The following GALNTL6 variants were observed in gnomAD, a reference collection of about 807,000 sequenced individuals.
GALNTL6 encodes the protein polypeptide N-acetylgalactosaminyltransferase-like 6.
GALNTL6 carries 46 observed loss-of-function variants against 73.7 expected under a neutral mutation model. The ratio of observed to expected loss-of-function variants is 0.62; its 90% CI spans 0.49 to 0.80. GALNTL6 has a LOEUF of 0.80. Among genes scored for constraint, GALNTL6 ranks in the 30% least tolerant of loss-of-function variants. The pLI, the probability that GALNTL6 is intolerant of heterozygous loss-of-function variation, is 0.00. For missense variants in GALNTL6, 604 were observed against 755.0 expected (o/e 0.80, Z 2.34); for synonymous variants, 259 against 263.7 (o/e 0.98, Z 0.17).
chr4:172,208,719 A>C (rs909092990), intron 2 of GALNTL6, among the ~76,000 whole-genome samples: 43 of 152,150 alleles, frequency 2.8e-4, no homozygotes, highest in African/African-American at 1.0e-3. Context: ...ATTGGTTCCA[A>C]ACCAAGAAAG....
chr4:172,371,454 C>T (rs146854487), intron 5 of GALNTL6, among the ~76,000 whole-genome samples: 14,836 of 152,254 alleles, frequency 0.097, 807 homozygotes, highest in East Asian at 0.17. Context: ...CGTCAATTAT[C>T]AATTATAGGT....
At chr4:172,640,299 T>C (rs1480541368) in intron 5 of GALNTL6, among the ~76,000 whole-genome samples, 2 of 152,126 alleles carry the variant, frequency 1.3e-5, no homozygotes, top group East Asian at 3.9e-4. Flanking sequence ...TCTGTGTGTT[T>C]CTTCTGTTTG....
intron 12 of GALNTL6, among the ~76,000 whole-genome samples, chr4:173,028,441 TC>T (rs1321498102): frequency 6.6e-6 from 1 of 152,146 alleles, no homozygotes; most frequent in Admixed American, 6.5e-5. Context: ...TTTAATCTAC[TC>T]CTCCCTTTTG....
intron 5 of GALNTL6, among the ~76,000 whole-genome samples, chr4:172,552,523 GT>G (rs1735990118): frequency 6.6e-6 from 1 of 151,874 alleles, no homozygotes. Flanking sequence ...ACCAATGTTT[GT>G]TTTGCTAAAA....
intron 2 of GALNTL6, among the ~76,000 whole-genome samples, chr4:172,115,366 G>A (rs76946262): frequency 0.1 from 15,489 of 152,092 alleles, 1,111 homozygotes; most frequent in Middle Eastern, 0.17. Context: ...AAATAATTTT[G>A]AGAAATTGTT....
chr4:172,331,330 A>T (rs953817835), intron 4 of GALNTL6, among the ~76,000 whole-genome samples: 27 of 151,954 alleles, frequency 1.8e-4, no homozygotes, highest in Admixed American at 1.6e-3. Flanking sequence ...CCCAGGCTGG[A>T]GTGCAGTGGT....
At chr4:171,928,730 A>G (rs1738071114) in intron 2 of GALNTL6, among the ~76,000 whole-genome samples, 1 of 152,230 alleles carries the variant, frequency 6.6e-6, no homozygotes, top group African/African-American at 2.4e-5. Flanking sequence ...ACAGGCAAAT[A>G]GCACTGTGCT....
intron 2 of GALNTL6, among the ~76,000 whole-genome samples, chr4:172,102,214 A>G (rs1244873407): frequency 6.6e-6 from 1 of 152,340 alleles, no homozygotes; most frequent in African/African-American, 2.4e-5. Flanking sequence ...AATGTAATTT[A>G]TTTAAAAATA....
intron 2 of GALNTL6, among the ~76,000 whole-genome samples, chr4:172,094,918 T>G (rs193051577): frequency 6.6e-6 from 1 of 152,156 alleles, no homozygotes; most frequent in Admixed American, 6.5e-5. Flanking sequence ...CTGGATTAAC[T>G]TCACTGTTTC....
intron 5 of GALNTL6, among the ~76,000 whole-genome samples, chr4:172,745,087 G>T (rs762321050): frequency 8.6e-5 from 13 of 151,782 alleles, no homozygotes; most frequent in Non-Finnish European, 1.6e-4. Flanking sequence ...AATTTAGCAA[G>T]AATTAGCCTT....
chr4:171,905,793 C>G (rs955446853), intron 2 of GALNTL6, among the ~76,000 whole-genome samples: 1 of 151,814 alleles, frequency 6.6e-6, no homozygotes, highest in Non-Finnish European at 1.5e-5. Context: ...AACACACTAT[C>G]TCTCAGACCA....
At chr4:172,626,177 T>A (rs1258208688) in intron 5 of GALNTL6, among the ~76,000 whole-genome samples, 1 of 152,116 alleles carries the variant, frequency 6.6e-6, no homozygotes, top group Non-Finnish European at 1.5e-5. Flanking sequence ...CTTTAATCGA[T>A]CTTGAGTTCA....
chr4:172,326,171 C>A (rs1281720932), intron 4 of GALNTL6, among the ~76,000 whole-genome samples: 1 of 151,678 alleles, frequency 6.6e-6, no homozygotes, highest in South Asian at 2.1e-4. Context: ...TTATACATAC[C>A]AAGTTATCTA....
chr4:172,895,250 C>G (rs1160372257), intron 8 of GALNTL6, among the ~76,000 whole-genome samples: 1 of 141,436 alleles, frequency 7.1e-6, no homozygotes, highest in African/African-American at 2.6e-5. Context: ...TTTCTAGTTG[C>G]TTTGTAGCTC....
chr4:171,916,433 T>G (rs945077885), intron 2 of GALNTL6, among the ~76,000 whole-genome samples: 1 of 152,168 alleles, frequency 6.6e-6, no homozygotes, highest in African/African-American at 2.4e-5. Context: ...AAGGCTTATA[T>G]GTATTCTTTC....
At chr4:173,017,740 G>T (rs1224118084) in intron 11 of GALNTL6, among the ~76,000 whole-genome samples, 1 of 152,154 alleles carries the variant, frequency 6.6e-6, no homozygotes, top group East Asian at 1.9e-4. Flanking sequence ...ACAAATGTAA[G>T]CATGATCATG....
intron 2 of GALNTL6, among the ~76,000 whole-genome samples, chr4:171,863,516 T>G (rs1233614661): frequency 6.6e-6 from 1 of 152,240 alleles, no homozygotes; most frequent in African/African-American, 2.4e-5. Context: ...CTTCAGACTT[T>G]TTGATCTGTT....
chr4:172,588,454 C>T (rs1560823493), intron 5 of GALNTL6, among the ~76,000 whole-genome samples: 1 of 150,618 alleles, frequency 6.6e-6, no homozygotes, highest in Non-Finnish European at 1.5e-5. Context: ...CTTAGCTGAG[C>T]GTGGTGGCGT....
At chr4:172,732,324 G>A (rs62330815) in intron 5 of GALNTL6, among the ~76,000 whole-genome samples, 22,391 of 152,026 alleles carry the variant, frequency 0.15, 1,915 homozygotes, top group East Asian at 0.26. Context: ...GTGTTGTGTA[G>A]TCTATTTCAT....
Sources: gnomAD v4.1 joint callset for allele counts (sites outside exome capture counted in the v4.1 genomes callset) on GRCh38, gnomAD v4.1.1 for gene constraint, MANE v1.5 for transcripts, NCBI Gene and HGNC (gene_info 2026-07-23, HGNC 2026-07-21) for gene names.